The following CPT1A variants were observed in gnomAD, a reference collection of about 807,000 sequenced individuals.
The protein encoded by CPT1A is carnitine O-palmitoyltransferase 1, liver isoform.
In CPT1A, 64 loss-of-function variants were observed where a neutral mutation model predicts 100.8. The ratio of observed to expected loss-of-function variants is 0.63; its 90% CI spans 0.52 to 0.78. The LOEUF (loss-of-function observed/expected upper bound fraction) is 0.78. Among genes scored for constraint, CPT1A ranks in the 30% least tolerant of loss-of-function variants. The probability of loss-of-function intolerance (pLI) is 0.00; values close to 1 mark genes in which losing one functional copy is unlikely to be tolerated. For synonymous variants in CPT1A, 363 were observed against 396.0 expected, an observed-to-expected ratio of 0.92 and a Z score of 0.99; for missense variants, 802 against 1,034.1, an observed-to-expected ratio of 0.78 and a Z score of 3.08.
At chr11:68,801,448 AGTAAAATCCT>A (rs1855901322) in intron 5 of CPT1A, among the ~76,000 whole-genome samples, 1 of 152,202 alleles carries the variant, frequency 6.6e-6, no homozygotes, top group South Asian at 2.1e-4. Context: ...TGGCCAACAT[AGTAAAATCCT>A]GTCTCTACTA....
chr11:68,842,103 G>A (rs951171175), upstream of CPT1A, among the ~76,000 whole-genome samples: 4 of 152,088 alleles, frequency 2.6e-5, no homozygotes, highest in African/African-American at 7.2e-5. Context: ...CTCACCCTCC[G>A]AGCCTCAGTT....
intron 1 of CPT1A, among the ~76,000 whole-genome samples, chr11:68,823,559 C>T (rs532584781): frequency 5.9e-4 from 88 of 149,848 alleles, no homozygotes; most frequent in South Asian, 1.7e-3. Context: ...GAGGCCGAGG[C>T]GGGAGGATCA....
At chr11:68,835,892 C>A (rs1248817088) in intron 1 of CPT1A, among the ~76,000 whole-genome samples, 1 of 152,186 alleles carries the variant, frequency 6.6e-6, no homozygotes, top group Non-Finnish European at 1.5e-5. Context: ...CTTACCTCCT[C>A]CGGCAAACTG....
chr11:68,781,987 G>A, intron 10 of CPT1A, 28 bp from the exon 11 acceptor site: 1 of 1,605,664 alleles, frequency 6.2e-7, no homozygotes, highest in Non-Finnish European at 8.5e-7. Flanking sequence ...TACGATTAAA[G>A]GCAGCCCGAC....
At chr11:68,782,886 G>A (rs1203086826) in intron 10 of CPT1A, among the ~76,000 whole-genome samples, 1 of 152,168 alleles carries the variant, frequency 6.6e-6, no homozygotes, top group Non-Finnish European at 1.5e-5. Context: ...ACTCCCATGG[G>A]TAAGATGCTG....
At chr11:68,779,047 G>T (rs1855225191) in intron 12 of CPT1A, among the ~76,000 whole-genome samples, 1 of 152,084 alleles carries the variant, frequency 6.6e-6, no homozygotes, top group Non-Finnish European at 1.5e-5. Flanking sequence ...GCCTCCCAAA[G>T]GGCTGGGATT....
intron 12 of CPT1A, among the ~76,000 whole-genome samples, chr11:68,777,015 C>T (rs976741925): frequency 3.9e-5 from 6 of 152,118 alleles, no homozygotes; most frequent in African/African-American, 9.7e-5. Context: ...TGGAAGGTGC[C>T]GCTAATACGT....
At position 68,762,650 on chromosome 11, in the gene CPT1A, C is replaced by A. The variant is rs199830877; in HGVS notation, c.1852G>T (p.Ala618Ser). ...CTTESCDFVR[A>S]MVDPAQTVEQ... ...ACCGTCTGGGCCGGGTCCACCATGG[C>A]CCGCACGAAGTCGCATGACTCAGTG... The change falls in exon 15 of 19, where the codon GCC becomes TCC. Residue 618 changes from alanine (A) to serine (S), a missense_variant. Physicochemically the swap from Ala to Ser is moderately conservative, Grantham distance 99 (BLOSUM62 1). Transcript: ENST00000265641. 2.2e-5 allele frequency: 35 copies of A among 1,613,722 alleles called. No individual in the cohort carries two copies. Among genetic ancestry groups the A allele is most frequent in the Non-Finnish European group, 2.8e-5 (33 of 1,180,028 alleles).
intron 1 of CPT1A, among the ~76,000 whole-genome samples, chr11:68,831,683 G>T (rs1856885529): frequency 6.6e-6 from 1 of 151,410 alleles, no homozygotes; most frequent in Admixed American, 6.6e-5. Context: ...ACCCAGGCTG[G>T]AGTGCAATGA....
intron 3 of CPT1A, among the ~76,000 whole-genome samples, chr11:68,811,885 G>GC (rs11420370): frequency 0.14 from 21,919 of 152,028 alleles, 1,994 homozygotes; most frequent in African/African-American, 0.26. Flanking sequence ...GTGTCTCTGG[G>GC]CTTATCTCTT....
At chr11:68,828,165 C>T (rs1352719806) in intron 1 of CPT1A, among the ~76,000 whole-genome samples, 3 of 152,200 alleles carry the variant, frequency 2.0e-5, no homozygotes, top group Non-Finnish European at 4.4e-5. Context: ...TCATCCTGCC[C>T]TCTTTGCCCT....
intron 9 of CPT1A, among the ~76,000 whole-genome samples, chr11:68,790,982 C>T (rs1356604502): frequency 6.6e-6 from 1 of 152,066 alleles, no homozygotes; most frequent in Non-Finnish European, 1.5e-5. Context: ...CACCACCACA[C>T]CTGGCTAATT....
chr11:68,773,239 C>T (rs1168855251), intron 14 of CPT1A, 26 bp downstream of exon 14: 2 of 1,613,118 alleles, frequency 1.2e-6, no homozygotes, highest in East Asian at 4.5e-5. Flanking sequence ...GTGCTCACGA[C>T]AAAACCCTAG....
intron 10 of CPT1A, among the ~76,000 whole-genome samples, chr11:68,782,776 C>T (rs935936729): frequency 2.0e-5 from 3 of 152,204 alleles, no homozygotes; most frequent in Non-Finnish European, 2.9e-5. Flanking sequence ...GCCCGCAGGG[C>T]GAATAAGCCT....
chr11:68,836,907 A>T (rs932241968), intron 1 of CPT1A, among the ~76,000 whole-genome samples: 12 of 152,098 alleles, frequency 7.9e-5, no homozygotes, highest in Admixed American at 4.6e-4. Context: ...AGGAAAGCAA[A>T]CCTCCATGTA....
chr11:68,795,024 A>C (rs1359010365), intron 7 of CPT1A, 113 bp from the exon 8 acceptor site: 6 of 801,902 alleles, frequency 7.5e-6, no homozygotes, highest in Non-Finnish European at 1.1e-5. Flanking sequence ...ATCAATATAC[A>C]TACATATTCG....
At chr11:68,778,691 A>G (rs1475191821) in intron 12 of CPT1A, among the ~76,000 whole-genome samples, 1 of 152,002 alleles carries the variant, frequency 6.6e-6, no homozygotes, top group Non-Finnish European at 1.5e-5. Flanking sequence ...ACAAGACGCC[A>G]TCTCAAAAAA....
At chr11:68,790,023 G>T (rs1855570464) in intron 9 of CPT1A, among the ~76,000 whole-genome samples, 1 of 152,124 alleles carries the variant, frequency 6.6e-6, no homozygotes, top group African/African-American at 2.4e-5. Context: ...CCATGTTCTA[G>T]CCCTGGTACC....
intron 3 of CPT1A, among the ~76,000 whole-genome samples, chr11:68,808,453 C>T (rs772207219): frequency 6.6e-6 from 1 of 151,178 alleles, no homozygotes. Flanking sequence ...TTCACTGCAA[C>T]CTCCGCCTCC....
Sources: allele counts gnomAD v4.1 joint callset (sites outside exome capture counted in the v4.1 genomes callset), GRCh38; gene constraint gnomAD v4.1.1; transcripts MANE v1.5; gene names NCBI Gene and HGNC (gene_info 2026-07-23, HGNC 2026-07-21).